Variants in COL11A2 observed in about 807,000 individuals in gnomAD.
COL11A2 encodes collagen alpha-2(XI) chain.
Under a neutral mutation model 273.4 loss-of-function variants are expected in COL11A2, and 116 were observed. The observed-to-expected ratio is 0.42, with a 90% CI of 0.36 to 0.49. The LOEUF (loss-of-function observed/expected upper bound fraction) is 0.49. Among genes scored for constraint, COL11A2 ranks in the 20% least tolerant of loss-of-function variants. The pLI is 0.00. For synonymous variants in COL11A2, 782 were observed against 864.2 expected (o/e 0.90, Z 1.67); for missense variants, 1,866 against 2,309.0 (o/e 0.81, Z 3.93).
Position 33,163,495 on chromosome 6 carries a change from C to T in COL11A2, c.*183G>A. ...GCCAAGAGCCCCAGATGCCACTCCT[C>T]CCGTGGGGTGTCCAGGCAACCACTT... On this transcript the variant is annotated 3_prime_UTR_variant, in exon 66 of 66. Transcript: ENST00000341947. The surrounding 1 kb of genome is among the most constrained non-coding windows in gnomAD (Gnocchi z 4.1). 1 of 803,626 alleles carries T rather than the reference C, an allele frequency of 1.2e-6. No individual in the cohort carries two copies. The allele number at this position is 803,626 out of a possible 1,614,324, so 49.8% of individuals were successfully genotyped here.
chr6:33,171,161 G>A lies in COL11A2; in HGVS notation c.3319C>T (p.Pro1107Ser), dbSNP rs1285820606. ...GGACCAATGGGTCCAGGGGGTCCAG[G>A]AGGGCCCTGGGTAAGAGAAGAGAGT... Reference protein sequence around the residue: ...TKGNKGEHGPPGPPGPIGPVG... With the variant: ...TKGNKGEHGPSGPPGPIGPVG... Residue 1107 changes from proline (P) to serine (S), a missense_variant, in exon 45 of 66, where the codon CCT becomes TCT. Coordinates refer to ENST00000341947, the MANE Select transcript of COL11A2 (RefSeq NM_080680.3). 1 of 1,605,444 alleles carries A rather than the reference G, an allele frequency of 6.2e-7. No individual in the cohort carries two copies. Among genetic ancestry groups the A allele is most frequent in the Non-Finnish European group, 8.5e-7 (1 of 1,175,406 alleles).
Position 33,179,246 on chromosome 6 carries a change from T to C in COL11A2, c.1542A>G (p.Gly514=), listed in dbSNP as rs777063304. The C allele has an allele frequency of 6.2e-7, 1 of 1,611,826 alleles. No homozygotes were observed. The highest frequency in any genetic ancestry group is 1.1e-5 in the South Asian group (1 of 90,424). Residue 514 remains glycine (G), a synonymous_variant, in exon 15 of 66, where the codon GGA becomes GGG. Coordinates refer to ENST00000341947, the MANE Select transcript of COL11A2 (RefSeq NM_080680.3). This position sits in a 1 kb window ranked among gnomAD's most constrained non-coding sequence, Gnocchi z 6.4. ...AAGTGGTCACCTGAGGTCCTAAGTC[T>C]CCAGACTCTCCTTTCAGGCCAGGGC... ...PGSPGLKGES[G]DLGPQGPRGP...
Position 33,184,274 on chromosome 6 carries a change from C to G in COL11A2, c.990G>C (p.Glu330Asp), listed in dbSNP as rs764847096. ...GGTCTGTGCCACCCTCCCCATATTC[C>G]TCTGCCTGGAACCTGTCGGCTGTGG... ...VPPTADRFQA[E>D]EYGEGGTDPP... The change falls in exon 8 of 66, where the codon GAG (glutamate) becomes GAC (aspartate). Residue 330 changes from glutamate (E) to aspartate (D), a missense_variant. Coordinates refer to ENST00000341947, the MANE Select transcript of COL11A2 (RefSeq NM_080680.3). 1 of 1,367,724 alleles carries G rather than the reference C, an allele frequency of 7.3e-7. No individual in the cohort carries two copies. Among genetic ancestry groups the G allele is most frequent in the Non-Finnish European group, 9.8e-7 (1 of 1,021,996 alleles). The allele number at this position is 1,367,724 out of a possible 1,614,324, so 84.7% of individuals were successfully genotyped here.
rs1769331226 is a variant in COL11A2, at chr6:33,167,488, C to T, written c.4060G>A (p.Gly1354Ser). Residue 1354 changes from glycine to serine, a missense_variant, in exon 56 of 66, where the codon GGT becomes AGT. Gly to Ser is a moderately conservative substitution (Grantham distance 56, BLOSUM62 0). Transcript: ENST00000341947. This position sits in a 1 kb window ranked among gnomAD's most constrained non-coding sequence, Gnocchi z 6.1. ...IGAPGKTGPV[G>S]PAGPAGKPGP... ...GGTTTCCCTGCTGGGCCTGCAGGAC[C>T]CACCGGGCCTGTCTTCCCCGGGGCA... 1 of 1,612,784 alleles carries T rather than the reference C, an allele frequency of 6.2e-7. No homozygotes were observed. Among genetic ancestry groups the T allele is most frequent in the Non-Finnish European group, 8.5e-7 (1 of 1,180,034 alleles).
rs760188928 is a variant in COL11A2 at position 33,163,249 on chromosome 6, C to A, written c.*429G>T. ...TGACTCCAGGATGTGGGTGCCGGAG[C>A]CCACCCCCGAGACCCCTGTCTTCAA... On this transcript the variant is annotated 3_prime_UTR_variant, in exon 66 of 66. Coordinates refer to ENST00000341947, the MANE Select transcript of COL11A2 (RefSeq NM_080680.3). This position sits in a 1 kb window ranked among gnomAD's most constrained non-coding sequence, Gnocchi z 4.1. 8.1e-5 allele frequency: 17 copies of A among 209,556 alleles called. No individual in the cohort carries two copies. The highest frequency in any genetic ancestry group is 1.2e-4 in the Non-Finnish European group (12 of 102,774). The allele number at this position is 209,556 out of a possible 1,614,324, so 13.0% of individuals were successfully genotyped here.
At position 33,170,284 on chromosome 6, in the gene COL11A2, C is replaced by T. The variant is rs374169040; in HGVS notation, c.3582+42G>A. On this transcript the variant is annotated intron_variant, in intron 48 of 65. Transcript: ENST00000341947. This position sits in a 1 kb window ranked among gnomAD's most constrained non-coding sequence, Gnocchi z 4.3. Reference sequence around the variant, plus strand: ...GGTCTGGGAAAGGGAGGCAGAAGACCAGACACATTGGTCTCAAGGGACAGG... The same window carrying T: ...GGTCTGGGAAAGGGAGGCAGAAGACTAGACACATTGGTCTCAAGGGACAGG... 1 of 1,607,150 alleles carries T rather than the reference C, an allele frequency of 6.2e-7. No individual in the cohort carries two copies. The highest frequency in any genetic ancestry group is 8.5e-7 in the Non-Finnish European group (1 of 1,175,602).
Position 33,170,658 on chromosome 6 carries a change from G to T in COL11A2, c.3475-48C>A. The T allele has an allele frequency of 1.2e-6, 2 of 1,609,714 alleles. No homozygotes were observed. The highest frequency in any genetic ancestry group is 1.3e-5 in the African/African-American group (1 of 74,892). The stretch of plus-strand genomic sequence containing the variant: ...GGCCCAGGTGACGACCCCACCCAAA[G>T]CACAGCCCTAGGCAGATAGGCCCCA... On this transcript the variant is annotated intron_variant, in intron 46 of 65. Transcript: ENST00000341947. The surrounding 1 kb of genome is among the most constrained non-coding windows in gnomAD (Gnocchi z 4.3).
chr6:33,177,619 C>A lies in COL11A2; in HGVS notation c.1917+43G>T, dbSNP rs749315069. On this transcript the variant is annotated intron_variant, in intron 22 of 65. Transcript: ENST00000341947. This position sits in a 1 kb window ranked among gnomAD's most constrained non-coding sequence, Gnocchi z 5.9. Reference sequence around the variant, plus strand: ...GCCAACAGGATGCTGGCAGGGACCTCGGGGGATAAGAATGGGGGTGGGATC... The same window carrying A: ...GCCAACAGGATGCTGGCAGGGACCTAGGGGGATAAGAATGGGGGTGGGATC... The A allele has an allele frequency of 2.5e-6, 4 of 1,611,004 alleles. No homozygotes were observed.
Position 33,164,110 on chromosome 6 carries a change from C to T in COL11A2, c.5070+157G>A, listed in dbSNP as rs1042071298. Among the ~76,000 whole-genome samples, 2 of 152,166 alleles carry T rather than the reference C, an allele frequency of 1.3e-5. No homozygotes were observed. Among genetic ancestry groups the T allele is most frequent in the Non-Finnish European group, 2.9e-5 (2 of 68,024 alleles). On this transcript the variant is annotated intron_variant, in intron 65 of 65. Coordinates refer to ENST00000341947, the MANE Select transcript of COL11A2 (RefSeq NM_080680.3). The surrounding 1 kb of genome is among the most constrained non-coding windows in gnomAD (Gnocchi z 4.7). ...CGATGGCTTCCATCCTTTCCACCTT[C>T]CTCACCGGCTTTTGAGCTCCCTCAG...
At position 33,168,299 on chromosome 6, in the gene COL11A2, G is replaced by A. The variant is rs115641163; in HGVS notation, c.3960+220C>T. Among the ~76,000 whole-genome samples the A allele has an allele frequency of 0.094, 14,179 of 150,590 alleles. 918 individuals carry two copies. The highest frequency in any genetic ancestry group is 0.17 in the Admixed American group (2,524 of 15,152). The stretch of plus-strand genomic sequence containing the variant: ...CACACACACTCGCCCAGTGCAATGA[G>A]ATACCGCATACCCTTAAACCCACCA... On this transcript the variant is annotated intron_variant, in intron 54 of 65. Coordinates refer to ENST00000341947, the MANE Select transcript of COL11A2 (RefSeq NM_080680.3).
At chr6:33,168,413 T>G (rs1769506667) in intron 54 of COL11A2, 106 bp downstream of exon 54, 2 of 1,249,892 alleles carry the variant, frequency 1.6e-6, no homozygotes, top group Non-Finnish European at 2.3e-6. Flanking sequence ...CCCAGGGCAA[T>G]GCAGACACCA....
rs375951847 is a variant in COL11A2 at position 33,179,310 on chromosome 6, G to A, written c.1504-26C>T. 2.1e-5 allele frequency: 33 copies of A among 1,603,500 alleles called. No homozygotes were observed. The highest frequency in any genetic ancestry group is 9.3e-5 in the African/African-American group (7 of 74,952). On this transcript the variant is annotated intron_variant, in intron 14 of 65. Transcript: ENST00000341947. This position sits in a 1 kb window ranked among gnomAD's most constrained non-coding sequence, Gnocchi z 6.4. Reference sequence around the variant, plus strand: ...CTGGGAGAGAGAAGAGAGGATGGCCGTAAGGAAGGACACAGCCAACAGTGG... The same window carrying A: ...CTGGGAGAGAGAAGAGAGGATGGCCATAAGGAAGGACACAGCCAACAGTGG...
Position 33,189,436 on chromosome 6 carries a change from C to T in COL11A2, c.116G>A (p.Arg39Lys), listed in dbSNP as rs1583386417. The T allele has an allele frequency of 6.2e-7, 1 of 1,612,992 alleles. No individual in the cohort carries two copies. Among genetic ancestry groups the T allele is most frequent in the Admixed American group, 1.7e-5 (1 of 60,008 alleles). Residue 39 changes from arginine (R) to lysine (K), a missense_variant, in exon 2 of 66, where the codon AGG (arginine) becomes AAG (lysine). Transcript: ENST00000341947. This position sits in a 1 kb window ranked among gnomAD's most constrained non-coding sequence, Gnocchi z 5.6. Reference protein sequence around the residue: ...APPVDVLRALRFPSLPDGVRR... With the variant: ...APPVDVLRALKFPSLPDGVRR... ...GACACCATCAGGGAGGGAGGGGAACCTCAGGGCCCGGAGCACATCCACAGG... is the reference window on the plus strand; with the variant it reads ...GACACCATCAGGGAGGGAGGGGAACTTCAGGGCCCGGAGCACATCCACAGG...
chr6:33,186,965 T>A, intron 4 of COL11A2, 147 bp from the exon 5 acceptor site: 2 of 1,075,874 alleles, frequency 1.9e-6, no homozygotes, highest in Non-Finnish European at 2.8e-6. Context: ...ATAGCCCTTT[T>A]CAGTTTTCAA....
intron 1 of COL11A2, among the ~76,000 whole-genome samples, chr6:33,191,394 C>T (rs1246709392): frequency 6.6e-6 from 1 of 152,260 alleles, no homozygotes. Flanking sequence ...CTCACAGCCC[C>T]CTCCTTGACA....
chr6:33,187,251 T>C (rs1290506338), intron 4 of COL11A2, among the ~76,000 whole-genome samples: 1 of 152,180 alleles, frequency 6.6e-6, no homozygotes. Flanking sequence ...GCAGTGATGA[T>C]GAGAATTCTC....
Position 33,164,182 on chromosome 6 carries a change from G to A in COL11A2, c.5070+85C>T. On this transcript the variant is annotated intron_variant, in intron 65 of 65. Coordinates refer to ENST00000341947, the MANE Select transcript of COL11A2 (RefSeq NM_080680.3). The surrounding 1 kb of genome is among the most constrained non-coding windows in gnomAD (Gnocchi z 4.7). The stretch of plus-strand genomic sequence containing the variant: ...GACGGACTCCTCCCTGCTCCCCCTG[G>A]GTGCCCTGCCCAAGGGGTCTTCCCA... 6.7e-7 allele frequency: 1 copy of A among 1,486,328 alleles called. No homozygotes were observed. Among genetic ancestry groups the A allele is most frequent in the African/African-American group, 1.4e-5 (1 of 72,446 alleles). The allele number at this position is 1,486,328 out of a possible 1,614,324, so 92.1% of individuals were successfully genotyped here. A position where few individuals can be genotyped will look rare whatever the true frequency, so the allele number is the denominator to read the frequency against.
At chr6:33,175,915 G>A in intron 29 of COL11A2, 101 bp downstream of exon 29, 1 of 1,409,588 alleles carries the variant, frequency 7.1e-7, no homozygotes, top group Non-Finnish European at 1.0e-6. Flanking sequence ...CACTGGAACT[G>A]TGGAGTCTGG....
chr6:33,180,605 C>T (rs1583352636), intron 11 of COL11A2, 63 bp downstream of exon 11: 1 of 1,452,596 alleles, frequency 6.9e-7, no homozygotes, highest in East Asian at 2.5e-5. Context: ...GCATGGTAGC[C>T]CCCCGCTTGG....
Sources: gnomAD v4.1 joint callset for allele counts (sites outside exome capture counted in the v4.1 genomes callset) on GRCh38, gnomAD v4.1.1 for gene constraint, Gnocchi (gnomAD v3.1) non-coding constraint, MANE v1.5 for transcripts, NCBI Gene and HGNC (gene_info 2026-07-23, HGNC 2026-07-21) for gene names.